TET1: variants seen among roughly 807,000 people sequenced by gnomAD.
TET1 encodes methylcytosine dioxygenase TET1.
In TET1, 13 loss-of-function variants were observed where a neutral mutation model predicts 148.7. The ratio of observed to expected loss-of-function variants is 0.09; its 90% CI spans 0.06 to 0.14. TET1 has a LOEUF of 0.14. TET1 is among the 10% of genes least tolerant of loss of function. TET1 has a pLI of 1.00. For synonymous variants in TET1, 907 were observed against 937.2 expected (o/e 0.97, Z 0.59); for missense variants, 2,182 against 2,553.8 (o/e 0.85, Z 3.14).
intron 3 of TET1, among the ~76,000 whole-genome samples, chr10:68,635,005 G>A (rs2133043246): frequency 6.6e-6 from 1 of 151,674 alleles, no homozygotes; most frequent in East Asian, 1.9e-4. Flanking sequence ...ATGTTGGCCA[G>A]GCTGGTCTCA....
intron 3 of TET1, among the ~76,000 whole-genome samples, chr10:68,633,362 T>C (rs2054604521): frequency 7.7e-6 from 1 of 130,166 alleles, no homozygotes; most frequent in Non-Finnish European, 1.7e-5. Flanking sequence ...TGGAAATTTA[T>C]ACTGGGTTTT....
chr10:68,679,456 TTCATATCA>T (rs1468643815), intron 8 of TET1, among the ~76,000 whole-genome samples: 5 of 152,236 alleles, frequency 3.3e-5, no homozygotes, highest in Non-Finnish European at 7.3e-5. Flanking sequence ...TTTTCCAGTG[TTCATATCA>T]ATAGCAGTAC....
chr10:68,619,614 A>G (rs2054341357), intron 3 of TET1, among the ~76,000 whole-genome samples: 1 of 152,166 alleles, frequency 6.6e-6, no homozygotes, highest in Non-Finnish European at 1.5e-5. Context: ...ACAAAACAAC[A>G]TTGCATTTTT....
At chr10:68,647,091 G>C in intron 4 of TET1, 86 bp downstream of exon 4, 1 of 1,414,048 alleles carries the variant, frequency 7.1e-7, no homozygotes, top group East Asian at 2.3e-5. Flanking sequence ...CATCTTTTTT[G>C]TGTGATATTT....
At chr10:68,653,590 T>C (rs2054972233) in intron 6 of TET1, among the ~76,000 whole-genome samples, 1 of 152,234 alleles carries the variant, frequency 6.6e-6, no homozygotes, top group African/African-American at 2.4e-5. Context: ...ACATATTGCA[T>C]CTTTACATTT....
At chr10:68,631,819 A>G (rs908500426) in intron 3 of TET1, among the ~76,000 whole-genome samples, 2 of 152,134 alleles carry the variant, frequency 1.3e-5, no homozygotes, top group Non-Finnish European at 2.9e-5. Flanking sequence ...TTTAAGGGGT[A>G]ACATTTGAGG....
chr10:68,641,956 A>G (rs1303958236), intron 3 of TET1, among the ~76,000 whole-genome samples: 1 of 152,182 alleles, frequency 6.6e-6, no homozygotes, highest in East Asian at 1.9e-4. Flanking sequence ...ATGCCACTGC[A>G]TGCGGCTCTT....
chr10:68,613,993 G>T (rs1469317156), intron 3 of TET1, among the ~76,000 whole-genome samples: 1 of 152,050 alleles, frequency 6.6e-6, no homozygotes, highest in Non-Finnish European at 1.5e-5. Context: ...TTATTTGAAG[G>T]TTATTTGCTG....
chr10:68,597,030 A>ATGTTTTTTTTTTTTTTTTTTTTT (rs2053996153), intron 2 of TET1, among the ~76,000 whole-genome samples: 1 of 98,894 alleles, frequency 1.0e-5, no homozygotes, highest in Admixed American at 1.1e-4. Context: ...CAGCTAATGG[A>ATGTTTTTTTTTTTTTTTTTTTTT]TTTTTTTTTT....
Position 68,646,432 on chromosome 10 carries a change from G to C in TET1, c.3703G>C (p.Val1235Leu), listed in dbSNP as rs140573369. The C allele has an allele frequency of 9.7e-4, 1,558 of 1,614,162 alleles. No homozygotes were observed. Among genetic ancestry groups the C allele is most frequent in the Non-Finnish European group, 1.2e-3 (1,425 of 1,180,036 alleles). ...GAGGTCCATTATGCAACCCAAAACA[G>C]TATTTCCACCACTCACTCAGATAAA... ...QTRSIMQPKT[V>L]FPPLTQIKLQ... Residue 1235 changes from valine to leucine, a missense_variant, in exon 4 of 12, where the codon GTA becomes CTA. Coordinates refer to ENST00000373644, the MANE Select transcript of TET1 (RefSeq NM_030625.3).
At chr10:68,681,341 AC>A in intron 8 of TET1, 57 bp from the exon 9 acceptor site, 1 of 1,078,950 alleles carries the variant, frequency 9.3e-7, no homozygotes, top group Non-Finnish European at 1.4e-6. Context: ...ATTCAGTTGT[AC>A]CTTAAACACA....
At chr10:68,630,934 TG>T (rs1469039067) in intron 3 of TET1, among the ~76,000 whole-genome samples, 3 of 152,158 alleles carry the variant, frequency 2.0e-5, no homozygotes, top group African/African-American at 7.2e-5. Context: ...CCCAATACTT[TG>T]GGAGGCTGAG....
intron 3 of TET1, among the ~76,000 whole-genome samples, chr10:68,611,057 G>A (rs973629896): frequency 6.6e-6 from 1 of 152,148 alleles, no homozygotes; most frequent in East Asian, 1.9e-4. Context: ...CACTTTGGGA[G>A]GCCGAAGGTG....
At chr10:68,597,330 G>A (rs370332387) in intron 2 of TET1, among the ~76,000 whole-genome samples, 3 of 152,068 alleles carry the variant, frequency 2.0e-5, no homozygotes, top group East Asian at 3.9e-4. Context: ...TACCACGCCC[G>A]GCTGATCGAC....
chr10:68,636,890 T>C (rs2054658076), intron 3 of TET1, among the ~76,000 whole-genome samples: 1 of 152,142 alleles, frequency 6.6e-6, no homozygotes, highest in South Asian at 2.1e-4. Flanking sequence ...CTGTAGTCAG[T>C]AGGGAAACGG....
intron 3 of TET1, among the ~76,000 whole-genome samples, chr10:68,629,540 AT>A (rs200143684): frequency 0.076 from 11,170 of 147,112 alleles, 611 homozygotes; most frequent in South Asian, 0.2. Flanking sequence ...ATTATTTTTA[AT>A]TTTTTTTTTT....
At chr10:68,606,914 C>A (rs2054132966) in intron 3 of TET1, among the ~76,000 whole-genome samples, 1 of 152,160 alleles carries the variant, frequency 6.6e-6, no homozygotes, top group Non-Finnish European at 1.5e-5. Context: ...CAATCAAAGA[C>A]ACACATGGGC....
At chr10:68,614,522 A>AT (rs1339502307) in intron 3 of TET1, among the ~76,000 whole-genome samples, 1 of 152,056 alleles carries the variant, frequency 6.6e-6, no homozygotes, top group Non-Finnish European at 1.5e-5. Flanking sequence ...TCACTTCTTA[A>AT]TTTTTTGAGA....
intron 6 of TET1, among the ~76,000 whole-genome samples, chr10:68,656,091 A>G (rs1375241129): frequency 6.6e-6 from 1 of 151,986 alleles, no homozygotes; most frequent in Non-Finnish European, 1.5e-5. Context: ...CCCAGATGGG[A>G]CCGTCTAGTT....
Sources: gnomAD v4.1 joint callset for allele counts (sites outside exome capture counted in the v4.1 genomes callset) on GRCh38, gnomAD v4.1.1 for gene constraint, MANE v1.5 for transcripts, NCBI Gene and HGNC (gene_info 2026-07-23, HGNC 2026-07-21) for gene names.